The following AHCYL2 variants were observed in gnomAD, a reference collection of about 807,000 sequenced individuals.
The protein encoded by AHCYL2 is adenosylhomocysteinase like 2, also known as S-adenosylhomocysteine hydrolase-like protein 2.
A neutral mutation model predicts 81.4 loss-of-function variants in AHCYL2; 28 were observed. That is an observed-to-expected ratio of 0.34 (90% CI 0.25 to 0.47). The LOEUF (loss-of-function observed/expected upper bound fraction) is 0.47, where lower values mean the gene tolerates loss of function less well. AHCYL2 is among the 20% of genes least tolerant of loss of function. AHCYL2 has a pLI of 1.00. For missense variants in AHCYL2, 551 were observed against 785.1 expected (o/e 0.70, Z 3.56); for synonymous variants, 272 against 290.2 (o/e 0.94, Z 0.64).
intron 1 of AHCYL2, among the ~76,000 whole-genome samples, chr7:129,270,265 T>C (rs1363130182): frequency 1.3e-5 from 2 of 152,204 alleles, no homozygotes; most frequent in African/African-American, 4.8e-5. Context: ...ACCTGCTTGA[T>C]TGGCGTCCTC....
Position 129,426,335 on chromosome 7 carries a change from C to T in AHCYL2, c.1709-108C>T. Reference sequence around the variant, plus strand: ...AAGGTTGAACATTTTTCATTCAGCTCCAGGAATTAGAAGGTGTCTTTGAAC... The same window carrying T: ...AAGGTTGAACATTTTTCATTCAGCTTCAGGAATTAGAAGGTGTCTTTGAAC... On this transcript the variant is annotated intron_variant, in intron 15 of 16. Coordinates refer to ENST00000325006, the MANE Select transcript of AHCYL2 (RefSeq NM_015328.4). The surrounding 1 kb of genome is among the most constrained non-coding windows in gnomAD (Gnocchi z 4.3). 1 of 1,538,978 alleles carries T rather than the reference C, an allele frequency of 6.5e-7. No homozygotes were observed. Among genetic ancestry groups the T allele is most frequent in the South Asian group, 1.1e-5 (1 of 88,476 alleles).
intron 4 of AHCYL2, 47 bp from the exon 5 acceptor site, chr7:129,397,175 G>A (rs1423330487): frequency 6.7e-7 from 1 of 1,488,140 alleles, no homozygotes; most frequent in Non-Finnish European, 9.2e-7. Context: ...TCCTTGACTA[G>A]TTGTTTGGCC....
At chr7:129,327,647 G>T (rs886449414) in intron 1 of AHCYL2, among the ~76,000 whole-genome samples, 1 of 152,008 alleles carries the variant, frequency 6.6e-6, no homozygotes. Context: ...TGTATTTTTT[G>T]TAGAGACGAG....
chr7:129,239,036 A>G (rs2150686079), intron 1 of AHCYL2, among the ~76,000 whole-genome samples: 1 of 152,258 alleles, frequency 6.6e-6, no homozygotes, highest in South Asian at 2.1e-4. Flanking sequence ...GGGATCATTT[A>G]CCTGTTAGGA....
intron 1 of AHCYL2, among the ~76,000 whole-genome samples, chr7:129,358,813 T>G (rs1368809886): frequency 6.6e-6 from 1 of 152,132 alleles, no homozygotes; most frequent in African/African-American, 2.4e-5. Flanking sequence ...TGGCAAGATA[T>G]AGATGAAAAC....
At chr7:129,370,572 C>T (rs1021013037) in intron 1 of AHCYL2, among the ~76,000 whole-genome samples, 5 of 152,148 alleles carry the variant, frequency 3.3e-5, no homozygotes, top group African/African-American at 9.7e-5. Flanking sequence ...GTGGCGGGCG[C>T]CTATAGTCCC....
chr7:129,228,106 C>A (rs1244584073), intron 1 of AHCYL2, among the ~76,000 whole-genome samples: 1 of 152,142 alleles, frequency 6.6e-6, no homozygotes, highest in Non-Finnish European at 1.5e-5. Context: ...ACCTTGACTC[C>A]TTACTGTTTT....
At chr7:129,319,905 C>A (rs1043401629) in intron 1 of AHCYL2, among the ~76,000 whole-genome samples, 2 of 151,434 alleles carry the variant, frequency 1.3e-5, no homozygotes, top group Admixed American at 1.3e-4. Context: ...CATATGCTTT[C>A]ATTTTTTTTT....
intron 11 of AHCYL2, among the ~76,000 whole-genome samples, chr7:129,412,520 A>G (rs1180253231): frequency 1.3e-5 from 2 of 151,792 alleles, no homozygotes; most frequent in Admixed American, 1.3e-4. Context: ...AGCTCAGGCA[A>G]TCCACCCCCC....
chr7:129,316,953 C>T (rs767056311), intron 1 of AHCYL2, among the ~76,000 whole-genome samples: 14 of 152,310 alleles, frequency 9.2e-5, no homozygotes, highest in Non-Finnish European at 1.3e-4. Context: ...GCTGATAACA[C>T]GATAACATGT....
intron 4 of AHCYL2, among the ~76,000 whole-genome samples, chr7:129,390,434 AT>A (rs1475571294): frequency 1.3e-5 from 2 of 152,222 alleles, no homozygotes; most frequent in Non-Finnish European, 2.9e-5. Flanking sequence ...ACAGCTATAA[AT>A]TCAGCACAGT....
chr7:129,286,326 C>T (rs920379506), intron 1 of AHCYL2, among the ~76,000 whole-genome samples: 2 of 152,148 alleles, frequency 1.3e-5, no homozygotes, highest in African/African-American at 4.8e-5. Context: ...TCTCAGCTCA[C>T]TGCAACCTCT....
At chr7:129,299,437 A>T (rs1195341245) in intron 1 of AHCYL2, among the ~76,000 whole-genome samples, 5 of 111,296 alleles carry the variant, frequency 4.5e-5, no homozygotes, top group African/African-American at 1.4e-4. Context: ...TCTGTCCCCC[A>T]GGCTGGAGTG....
At chr7:129,300,178 C>T (rs555184421) in intron 1 of AHCYL2, among the ~76,000 whole-genome samples, 1 of 152,098 alleles carries the variant, frequency 6.6e-6, no homozygotes, top group South Asian at 2.1e-4. Flanking sequence ...TTAAAATGTA[C>T]AATTAAATTA....
At chr7:129,262,585 G>C (rs542608342) in intron 1 of AHCYL2, among the ~76,000 whole-genome samples, 4 of 152,342 alleles carry the variant, frequency 2.6e-5, no homozygotes, top group South Asian at 2.1e-4. Context: ...ACAAGAGGGA[G>C]GGGCAATGTC....
At position 129,277,392 on chromosome 7, in the gene AHCYL2, C is replaced by G. The variant is rs190762759; in HGVS notation, c.363+51953C>G. ...TCCTGGGTTCAAGCAATTCTCCTGCCTCAGCCTCCTGAGTAGCTGGAATTA... is the reference window on the plus strand; with the variant it reads ...TCCTGGGTTCAAGCAATTCTCCTGCGTCAGCCTCCTGAGTAGCTGGAATTA... On this transcript the variant is annotated intron_variant, in intron 1 of 16. Transcript: ENST00000325006. 6.5e-3 allele frequency among the ~76,000 whole-genome samples: 981 copies of G among 152,064 alleles called. 11 individuals are homozygous for G. Among genetic ancestry groups the G allele is most frequent in the African/African-American group, 0.022 (932 of 41,460 alleles).
At chr7:129,248,881 G>A (rs1795151124) in intron 1 of AHCYL2, among the ~76,000 whole-genome samples, 1 of 151,792 alleles carries the variant, frequency 6.6e-6, no homozygotes, top group Admixed American at 6.6e-5. Context: ...ACACTGTATA[G>A]GCTATTGTAA....
chr7:129,360,336 G>A lies in AHCYL2; in HGVS notation c.364-19302G>A, dbSNP rs183336116. ...TCTTCATTTTGGTCAGGCTGGTCTCGAACTCCCGACCTCAGGTGATCTGCC... is the reference window on the plus strand; with the variant it reads ...TCTTCATTTTGGTCAGGCTGGTCTCAAACTCCCGACCTCAGGTGATCTGCC... On this transcript the variant is annotated intron_variant, in intron 1 of 16. Coordinates refer to ENST00000325006, the MANE Select transcript of AHCYL2 (RefSeq NM_015328.4). Among the ~76,000 whole-genome samples the A allele has an allele frequency of 2.3e-3, 356 of 152,164 alleles. 2 individuals are homozygous for A. The highest frequency in any genetic ancestry group is 0.012 in the South Asian group (59 of 4,820).
intron 1 of AHCYL2, among the ~76,000 whole-genome samples, chr7:129,281,489 ATTTTTTTTTTT>A (rs34422629): frequency 2.7e-5 from 2 of 74,146 alleles, no homozygotes; most frequent in African/African-American, 1.2e-4. Flanking sequence ...CTGTTTCTAG[ATTTTTTTTTTT>A]TTTTTTTTTT....
Sources: gnomAD v4.1 joint callset for allele counts (sites outside exome capture counted in the v4.1 genomes callset) on GRCh38, gnomAD v4.1.1 for gene constraint, Gnocchi (gnomAD v3.1) non-coding constraint, MANE v1.5 for transcripts, NCBI Gene and HGNC (gene_info 2026-07-23, HGNC 2026-07-21) for gene names.